Variants in NEGR1 observed in about 807,000 individuals in gnomAD.
NEGR1 encodes neuronal growth regulator 1, also known as IgLON family member 4.
NEGR1 carries 10 observed loss-of-function variants against 40.9 expected under a neutral mutation model. The ratio of observed to expected loss-of-function variants is 0.24; its 90% CI spans 0.15 to 0.42. NEGR1 has a LOEUF of 0.42. Ranked by LOEUF, NEGR1 falls within the 10% of genes least tolerant of loss-of-function variation. The pLI is 1.00. For missense variants in NEGR1, 352 were observed against 438.9 expected, an observed-to-expected ratio of 0.80 and a Z score of 1.77; for synonymous variants, 185 against 166.8, an observed-to-expected ratio of 1.11 and a Z score of -0.84.
At chr1:71,500,989 T>C (rs570777427) in intron 6 of NEGR1, among the ~76,000 whole-genome samples, 2 of 152,258 alleles carry the variant, frequency 1.3e-5, no homozygotes, top group South Asian at 2.1e-4. Flanking sequence ...CAACTGTATG[T>C]TTAAACATGC....
chr1:72,173,509 A>G (rs753698297), intron 1 of NEGR1, among the ~76,000 whole-genome samples: 4 of 151,920 alleles, frequency 2.6e-5, no homozygotes, highest in Non-Finnish European at 2.9e-5. Context: ...GAAAAAGTCT[A>G]CAGTAATGAA....
intron 4 of NEGR1, among the ~76,000 whole-genome samples, chr1:71,684,379 C>T (rs938531680): frequency 6.6e-6 from 1 of 152,034 alleles, no homozygotes; most frequent in Non-Finnish European, 1.5e-5. Context: ...TTAATTAAAA[C>T]TTTCTTTAAG....
rs754424709 is a variant in NEGR1 at position 71,611,105 on chromosome 1, G to T, written c.709C>A (p.Pro237Thr). The stretch of plus-strand genomic sequence containing the variant: ...CATCTTATCAGGCCACTGCGTCCGG[G>T]GGTCACGGTGCCAGATTTAATTTCC... ...IQEIKSGTVT[P>T]GRSGLIRCEG... The change falls in exon 5 of 7, where the codon CCC becomes ACC. Residue 237 changes from proline (P) to threonine (T), a missense_variant. Pro to Thr is a conservative substitution (Grantham distance 38). This residue lies in a region of NEGR1 where 184 missense variants were observed against 208.7 expected (regional missense o/e 0.88). Transcript: ENST00000357731. 3 of 1,613,832 alleles carry T rather than the reference G, an allele frequency of 1.9e-6. No individual in the cohort carries two copies. Among genetic ancestry groups the T allele is most frequent in the Non-Finnish European group, 1.7e-6 (2 of 1,179,856 alleles).
At chr1:72,089,449 T>C (rs1557520956) in intron 1 of NEGR1, among the ~76,000 whole-genome samples, 1 of 152,302 alleles carries the variant, frequency 6.6e-6, no homozygotes, top group South Asian at 2.1e-4. Context: ...ACCACAAAGC[T>C]TATGTCATTT....
intron 1 of NEGR1, among the ~76,000 whole-genome samples, chr1:72,265,762 C>A (rs1180232248): frequency 1.3e-5 from 2 of 150,690 alleles, no homozygotes; most frequent in Non-Finnish European, 3.0e-5. Flanking sequence ...AAATAATTTT[C>A]TTAATAGGTT....
At chr1:71,702,327 A>G (rs1471702425) in intron 3 of NEGR1, among the ~76,000 whole-genome samples, 1 of 152,086 alleles carries the variant, frequency 6.6e-6, no homozygotes, top group Non-Finnish European at 1.5e-5. Flanking sequence ...CAATTTCAAT[A>G]AAGTATGATA....
intron 1 of NEGR1, among the ~76,000 whole-genome samples, chr1:71,977,581 C>T (rs1206218817): frequency 6.6e-6 from 1 of 151,842 alleles, no homozygotes; most frequent in Non-Finnish European, 1.5e-5. Flanking sequence ...ATTTGTTGTA[C>T]CTACTTTTAT....
chr1:71,569,093 T>C (rs1410189758), intron 6 of NEGR1, among the ~76,000 whole-genome samples: 1 of 151,972 alleles, frequency 6.6e-6, no homozygotes, highest in Non-Finnish European at 1.5e-5. Context: ...ATTTTTTGTA[T>C]TTTTAGTAGA....
chr1:71,666,975 A>G (rs1384950777), intron 4 of NEGR1, among the ~76,000 whole-genome samples: 1 of 152,160 alleles, frequency 6.6e-6, no homozygotes, highest in Non-Finnish European at 1.5e-5. Flanking sequence ...GATATTAACA[A>G]ATATTTTGTC....
At chr1:71,846,737 C>G (rs895029296) in intron 2 of NEGR1, among the ~76,000 whole-genome samples, 1 of 152,122 alleles carries the variant, frequency 6.6e-6, no homozygotes, top group African/African-American at 2.4e-5. Context: ...GCTCTGTGCC[C>G]GGTGAGGGCC....
intron 4 of NEGR1, among the ~76,000 whole-genome samples, chr1:71,681,659 T>C (rs2101610853): frequency 6.6e-6 from 1 of 152,266 alleles, no homozygotes; most frequent in Middle Eastern, 3.4e-3. Flanking sequence ...GAAAACTGAG[T>C]CATTTCTTTC....
chr1:71,731,354 A>G (rs555474224), intron 3 of NEGR1, among the ~76,000 whole-genome samples: 6 of 152,276 alleles, frequency 3.9e-5, no homozygotes, highest in African/African-American at 1.2e-4. Flanking sequence ...TCACTGCATG[A>G]TTACATGATG....
chr1:72,033,078 G>C (rs1646873284), intron 1 of NEGR1, among the ~76,000 whole-genome samples: 1 of 151,966 alleles, frequency 6.6e-6, no homozygotes, highest in South Asian at 2.1e-4. Context: ...GTTACTCACA[G>C]AATCAAAATT....
chr1:72,110,691 T>C (rs1297038395), intron 1 of NEGR1, among the ~76,000 whole-genome samples: 2 of 151,652 alleles, frequency 1.3e-5, no homozygotes, highest in Non-Finnish European at 3.0e-5. Context: ...GAGGGTATTG[T>C]TTAACCTCTG....
intron 1 of NEGR1, among the ~76,000 whole-genome samples, chr1:72,236,218 TG>T (rs1654539533): frequency 6.6e-6 from 1 of 151,806 alleles, no homozygotes; most frequent in South Asian, 2.1e-4. Flanking sequence ...CACTCATTAG[TG>T]GGATTTGAAC....
intron 1 of NEGR1, among the ~76,000 whole-genome samples, chr1:72,200,344 G>C (rs1653159013): frequency 6.6e-6 from 1 of 151,844 alleles, no homozygotes; most frequent in Non-Finnish European, 1.5e-5. Flanking sequence ...CCATAAAAAA[G>C]AATGAAATCA....
At chr1:71,739,199 G>GAAAAAAAAAAAAAAAAA (rs776411417) in intron 3 of NEGR1, among the ~76,000 whole-genome samples, 1 of 63,648 alleles carries the variant, frequency 1.6e-5, no homozygotes, top group Non-Finnish European at 3.4e-5. Flanking sequence ...AAGGCAGGCA[G>GAAAAAAAAAAAAAAAAA]AAAAAAAAAA....
intron 2 of NEGR1, among the ~76,000 whole-genome samples, chr1:71,816,623 A>G (rs1374910198): frequency 6.6e-6 from 1 of 152,062 alleles, no homozygotes; most frequent in East Asian, 1.9e-4. Flanking sequence ...GGTCCCTCCC[A>G]GGATAGGTGG....
intron 1 of NEGR1, among the ~76,000 whole-genome samples, chr1:71,996,960 C>T (rs1388828638): frequency 6.6e-6 from 1 of 152,022 alleles, no homozygotes; most frequent in African/African-American, 2.4e-5. Context: ...AGTTTGCTCC[C>T]TCCACCTCCC....
Sources: allele counts gnomAD v4.1 joint callset (sites outside exome capture counted in the v4.1 genomes callset), GRCh38; gene constraint gnomAD v4.1.1; regional missense constraint gnomAD v4.1.1; transcripts MANE v1.5; gene names NCBI Gene and HGNC (gene_info 2026-07-23, HGNC 2026-07-21).